Variants in C9orf153 observed in about 807,000 individuals in gnomAD.
C9orf153 encodes chromosome 9 open reading frame 153.
A neutral mutation model predicts 9.0 loss-of-function variants in C9orf153; 10 were observed. That is an observed-to-expected ratio of 1.11 (90% CI 0.69 to 1.89). The LOEUF is 1.89. Ranked by LOEUF, C9orf153 falls within the 40% of genes most tolerant of loss-of-function variation. C9orf153 has a pLI of 0.00. For synonymous variants in C9orf153, 35 were observed against 37.3 expected, an observed-to-expected ratio of 0.94 and a Z score of 0.23; for missense variants, 108 against 111.0, an observed-to-expected ratio of 0.97 and a Z score of 0.12.
At chr9:86,255,075 A>AAAG (rs1554686702) in intron 1 of C9orf153, among the ~76,000 whole-genome samples, 1 of 151,638 alleles carries the variant, frequency 6.6e-6, no homozygotes, top group Admixed American at 6.6e-5. Context: ...AAAAAAAAAA[A>AAAG]AGAGAGAGAA....
intron 1 of C9orf153, among the ~76,000 whole-genome samples, chr9:86,240,924 G>C (rs1383500292): frequency 2.0e-5 from 3 of 151,710 alleles, no homozygotes; most frequent in Non-Finnish European, 4.4e-5. Flanking sequence ...GGCCAGGCTG[G>C]TCTGGAGCTC....
intron 1 of C9orf153, among the ~76,000 whole-genome samples, chr9:86,258,099 T>C (rs1825163256): frequency 6.6e-6 from 1 of 152,142 alleles, no homozygotes; most frequent in South Asian, 2.1e-4. Flanking sequence ...ATCCCAGCAC[T>C]TTGGGAGACC....
chr9:86,221,760 T>C (rs980734657), intron 3 of C9orf153, 27 bp from the exon 4 acceptor site: 3 of 1,466,542 alleles, frequency 2.0e-6, no homozygotes, highest in African/African-American at 2.8e-5. Context: ...TTTCAAAGAA[T>C]CACATGGTGT....
chr9:86,255,069 A>AG (rs1825086800), intron 1 of C9orf153, among the ~76,000 whole-genome samples: 1 of 151,644 alleles, frequency 6.6e-6, no homozygotes, highest in African/African-American at 2.4e-5. Context: ...TCTCAGAAAA[A>AG]AAAAAAAGAG....
At chr9:86,225,635 A>G (rs2131173107) in intron 3 of C9orf153, among the ~76,000 whole-genome samples, 1 of 151,960 alleles carries the variant, frequency 6.6e-6, no homozygotes, top group South Asian at 2.1e-4. Flanking sequence ...ATTTTTTTGT[A>G]TTTTTAGTAG....
At chr9:86,248,789 T>C (rs1824926601) in intron 1 of C9orf153, among the ~76,000 whole-genome samples, 1 of 152,184 alleles carries the variant, frequency 6.6e-6, no homozygotes, top group Non-Finnish European at 1.5e-5. Flanking sequence ...TCATGAAATG[T>C]GGGCAGGCAC....
rs1015716491 is a variant in C9orf153, at chr9:86,221,668, G to A, written c.*20C>T. On this transcript the variant is annotated 3_prime_UTR_variant, in exon 4 of 4. Coordinates refer to ENST00000339137, the MANE Select transcript of C9orf153 (RefSeq NM_001276366.4). Reference sequence around the variant, plus strand: ...TCTCCGAATGAAATTGCAGTAGTGCGCCTCCACTTCGCAAGCCCCTTAAAA... The same window carrying A: ...TCTCCGAATGAAATTGCAGTAGTGCACCTCCACTTCGCAAGCCCCTTAAAA... The A allele has an allele frequency of 1.6e-5, 24 of 1,546,776 alleles. No individual in the cohort carries two copies. Among genetic ancestry groups the A allele is most frequent in the Middle Eastern group, 3.3e-4 (2 of 5,996 alleles).
chr9:86,241,396 T>A (rs1032335424), intron 1 of C9orf153, among the ~76,000 whole-genome samples: 2 of 152,184 alleles, frequency 1.3e-5, no homozygotes, highest in Non-Finnish European at 2.9e-5. Context: ...CCCCATCTAT[T>A]TCAGGGTGCT....
intron 1 of C9orf153, among the ~76,000 whole-genome samples, chr9:86,245,004 G>A (rs1428430881): frequency 6.6e-6 from 1 of 152,140 alleles, no homozygotes; most frequent in Non-Finnish European, 1.5e-5. Flanking sequence ...TCAGCTCACT[G>A]CAACCTCCGC....
Position 86,221,531 on chromosome 9 carries a change from T to A in C9orf153, c.*157A>T. Reference sequence around the variant, plus strand: ...ATTTAAGAGAATAACTTCCTTCATTTTGATAATCAATTTGAGGATAAATGA... The same window carrying A: ...ATTTAAGAGAATAACTTCCTTCATTATGATAATCAATTTGAGGATAAATGA... On this transcript the variant is annotated 3_prime_UTR_variant, in exon 4 of 4. Coordinates refer to ENST00000339137, the MANE Select transcript of C9orf153 (RefSeq NM_001276366.4). 1 of 1,357,450 alleles carries A rather than the reference T, an allele frequency of 7.4e-7. No individual in the cohort carries two copies. Among genetic ancestry groups the A allele is most frequent in the Middle Eastern group, 1.9e-4 (1 of 5,240 alleles). 84.1% of individuals were successfully genotyped at this position (1,357,450 alleles called of 1,614,324 possible).
intron 1 of C9orf153, among the ~76,000 whole-genome samples, chr9:86,257,297 C>T (rs558359706): frequency 3.3e-5 from 5 of 152,292 alleles, no homozygotes; most frequent in Middle Eastern, 6.8e-3. Context: ...TTACTGGGTT[C>T]CATGCTTTGG....
At chr9:86,233,812 C>T (rs545793992) in intron 1 of C9orf153, among the ~76,000 whole-genome samples, 1 of 152,294 alleles carries the variant, frequency 6.6e-6, no homozygotes, top group South Asian at 2.1e-4. Context: ...CGGCCGGGCG[C>T]GGTGACTGGC....
chr9:86,247,618 T>A (rs2131200828), intron 1 of C9orf153, among the ~76,000 whole-genome samples: 1 of 152,294 alleles, frequency 6.6e-6, no homozygotes, highest in Non-Finnish European at 1.5e-5. Flanking sequence ...AGACTGAGGC[T>A]GTAGTAAGCC....
intron 1 of C9orf153, among the ~76,000 whole-genome samples, chr9:86,233,702 C>A (rs1488897817): frequency 6.6e-6 from 1 of 152,170 alleles, no homozygotes; most frequent in Non-Finnish European, 1.5e-5. Context: ...CAGGTGTGAG[C>A]CACTGTGCTC....
intron 1 of C9orf153, among the ~76,000 whole-genome samples, chr9:86,248,393 C>A (rs755938246): frequency 2.6e-5 from 4 of 152,330 alleles, no homozygotes; most frequent in Non-Finnish European, 4.4e-5. Flanking sequence ...CTCGGCCTCC[C>A]AAAGTGCTGG....
At chr9:86,225,417 CCTTCCT>C (rs1824303740) in intron 3 of C9orf153, among the ~76,000 whole-genome samples, 1 of 10,952 alleles carries the variant, frequency 9.1e-5, no homozygotes, top group African/African-American at 1.6e-3. Flanking sequence ...CTCTCTCCTT[CCTTCCT>C]TCCTTCCTTC....
chr9:86,245,457 T>C (rs1378932959), intron 1 of C9orf153, among the ~76,000 whole-genome samples: 1 of 152,168 alleles, frequency 6.6e-6, no homozygotes, highest in African/African-American at 2.4e-5. Context: ...GCGTTCTGTC[T>C]CTGAGCGTGA....
chr9:86,231,554 TAC>T (rs35861899), intron 1 of C9orf153, among the ~76,000 whole-genome samples: 1 of 149,342 alleles, frequency 6.7e-6, no homozygotes. Flanking sequence ...CCAGAATGGA[TAC>T]ACACACACAC....
At chr9:86,228,428 A>G (rs1824389568) in intron 2 of C9orf153, among the ~76,000 whole-genome samples, 1 of 152,152 alleles carries the variant, frequency 6.6e-6, no homozygotes, top group Non-Finnish European at 1.5e-5. Context: ...CTTTGAAGGA[A>G]GAAAGCGAGC....
Sources: allele counts gnomAD v4.1 joint callset (sites outside exome capture counted in the v4.1 genomes callset), GRCh38; gene constraint gnomAD v4.1.1; transcripts MANE v1.5; gene names NCBI Gene and HGNC (gene_info 2026-07-23, HGNC 2026-07-21).